The following SNRK variants were observed in gnomAD, a reference collection of about 807,000 sequenced individuals.
SNRK encodes SNF related kinase, also known as SNF-related serine/threonine-protein kinase.
Under a neutral mutation model 48.2 loss-of-function variants are expected in SNRK, and 3 were observed. That is an observed-to-expected ratio of 0.06 (90% CI 0.03 to 0.16). The LOEUF is 0.16. Ranked by LOEUF, SNRK falls within the 10% of genes least tolerant of loss-of-function variation. The pLI is 1.00. For synonymous variants in SNRK, 376 were observed against 366.1 expected (o/e 1.03, Z -0.31); for missense variants, 627 against 976.0 (o/e 0.64, Z 4.76).
At chr3:43,290,892 G>A (rs769017853) in intron 1 of SNRK, among the ~76,000 whole-genome samples, 1 of 152,204 alleles carries the variant, frequency 6.6e-6, no homozygotes, top group Non-Finnish European at 1.5e-5. Flanking sequence ...AACTGAGCCT[G>A]TCATTTAGTT....
At chr3:43,337,748 C>T (rs1250254148) in intron 4 of SNRK, among the ~76,000 whole-genome samples, 1 of 152,118 alleles carries the variant, frequency 6.6e-6, no homozygotes. Flanking sequence ...CTTCACAAGG[C>T]AGCAGGAAGG....
chr3:43,289,920 T>C (rs1161939531), intron 1 of SNRK: 18 of 152,682 alleles, frequency 1.2e-4, no homozygotes, highest in Admixed American at 1.1e-3. Flanking sequence ...CTAACATGTT[T>C]TAAGTTTTGG....
intron 1 of SNRK, among the ~76,000 whole-genome samples, chr3:43,288,589 G>C (rs1445855770): frequency 6.6e-6 from 1 of 152,110 alleles, no homozygotes; most frequent in East Asian, 1.9e-4. Flanking sequence ...AAACCAAATA[G>C]AAAAATATTT....
chr3:43,330,093 G>A (rs1011632371), intron 3 of SNRK, among the ~76,000 whole-genome samples: 2 of 152,124 alleles, frequency 1.3e-5, no homozygotes, highest in Non-Finnish European at 1.5e-5. Context: ...GGAAAGATAT[G>A]AATTTATTGT....
intron 5 of SNRK, among the ~76,000 whole-genome samples, chr3:43,341,990 C>T (rs889028331): frequency 6.6e-5 from 10 of 152,132 alleles, no homozygotes; most frequent in South Asian, 2.1e-4. Flanking sequence ...GTGGTGGAGA[C>T]GGGACACTTG....
chr3:43,321,310 T>C (rs1356942484), intron 3 of SNRK, among the ~76,000 whole-genome samples: 2 of 149,060 alleles, frequency 1.3e-5, no homozygotes, highest in South Asian at 2.1e-4. Flanking sequence ...AAAATTGTTT[T>C]TATGTTACTT....
At chr3:43,305,148 A>G (rs2090927612) in intron 3 of SNRK, among the ~76,000 whole-genome samples, 2 of 152,196 alleles carry the variant, frequency 1.3e-5, no homozygotes, top group African/African-American at 4.8e-5. Context: ...AGACAAAACT[A>G]AGTGTTGGTA....
intron 3 of SNRK, among the ~76,000 whole-genome samples, chr3:43,330,625 CCATT>C (rs1425658375): frequency 6.6e-6 from 1 of 152,132 alleles, no homozygotes; most frequent in Non-Finnish European, 1.5e-5. Context: ...TGACTAGTCG[CCATT>C]ATTAAGATAT....
chr3:43,325,087 C>T (rs571610310), intron 3 of SNRK, among the ~76,000 whole-genome samples: 13 of 152,318 alleles, frequency 8.5e-5, no homozygotes, highest in African/African-American at 2.6e-4. Context: ...TGATTTTTAT[C>T]AACTGGTGTT....
chr3:43,344,324 G>A (rs2091258820), intron 6 of SNRK, among the ~76,000 whole-genome samples: 1 of 151,926 alleles, frequency 6.6e-6, no homozygotes, highest in Non-Finnish European at 1.5e-5. Flanking sequence ...AATTTATTTC[G>A]AGTTTATGCA....
At chr3:43,317,048 T>TA (rs1161606823) in intron 3 of SNRK, among the ~76,000 whole-genome samples, 1 of 152,208 alleles carries the variant, frequency 6.6e-6, no homozygotes, top group Admixed American at 6.5e-5. Context: ...TAGTGCCTCT[T>TA]ACTCCCTTCC....
At chr3:43,290,207 C>G (rs890067833) in intron 1 of SNRK, among the ~76,000 whole-genome samples, 2 of 152,010 alleles carry the variant, frequency 1.3e-5, no homozygotes, top group Non-Finnish European at 2.9e-5. Flanking sequence ...CAAGTAATGC[C>G]GGGTACATAG....
chr3:43,346,348 T>A (rs1435667999), intron 6 of SNRK, among the ~76,000 whole-genome samples: 1 of 152,208 alleles, frequency 6.6e-6, no homozygotes, highest in South Asian at 2.1e-4. Flanking sequence ...TTGTTCCTGC[T>A]TTATTATTAT....
chr3:43,327,833 AT>A (rs2091107196), intron 3 of SNRK, among the ~76,000 whole-genome samples: 1 of 152,128 alleles, frequency 6.6e-6, no homozygotes, highest in South Asian at 2.1e-4. Flanking sequence ...TTCAGTGCTC[AT>A]TTCTGTGACC....
Position 43,350,104 on chromosome 3 carries a change from A to G in SNRK, c.*1547A>G, listed in dbSNP as rs1469681529. ...TACTCAGAACTCTGAATTTCACAGT[A>G]TACTTACTAAACTAAGTAAAAATGA... is the stretch of plus-strand genomic sequence containing the variant. On this transcript the variant is annotated 3_prime_UTR_variant, in exon 7 of 7. Coordinates refer to ENST00000296088, the MANE Select transcript of SNRK (RefSeq NM_017719.5). 1 of 152,620 alleles carries G rather than the reference A, an allele frequency of 6.6e-6. No individual in the cohort carries two copies. The highest frequency in any genetic ancestry group is 1.5e-5 in the Non-Finnish European group (1 of 68,044). The allele number at this position is 152,620 out of a possible 1,614,324, so 9.5% of individuals were successfully genotyped here.
intron 6 of SNRK, among the ~76,000 whole-genome samples, chr3:43,346,160 A>G (rs1042649843): frequency 4.6e-5 from 7 of 152,254 alleles, no homozygotes; most frequent in East Asian, 3.8e-4. Flanking sequence ...GTGGCCACAC[A>G]GTGTTAGTCA....
intron 1 of SNRK, among the ~76,000 whole-genome samples, chr3:43,298,905 G>A (rs763278672): frequency 2.6e-5 from 4 of 152,164 alleles, no homozygotes; most frequent in Non-Finnish European, 4.4e-5. Context: ...GGCATCATAA[G>A]TGATTTCCAC....
At chr3:43,293,120 T>G (rs1196531236) in intron 1 of SNRK, among the ~76,000 whole-genome samples, 1 of 152,208 alleles carries the variant, frequency 6.6e-6, no homozygotes, top group East Asian at 1.9e-4. Context: ...TTCTTCTTTT[T>G]TTGAGACAGG....
intron 6 of SNRK, chr3:43,346,989 G>A (rs2091281305): frequency 5.3e-6 from 1 of 188,720 alleles, no homozygotes; most frequent in Admixed American, 5.6e-5. Flanking sequence ...AACAAGACGT[G>A]GTGTTCAGGT....
Sources: allele counts gnomAD v4.1 joint callset (sites outside exome capture counted in the v4.1 genomes callset), GRCh38; gene constraint gnomAD v4.1.1; transcripts MANE v1.5; gene names NCBI Gene and HGNC (gene_info 2026-07-23, HGNC 2026-07-21).